The following ST3GAL6 variants were observed in gnomAD, a reference collection of about 807,000 sequenced individuals.
ST3GAL6 encodes type 2 lactosamine alpha-2,3-sialyltransferase.
Under a neutral mutation model 40.5 loss-of-function variants are expected in ST3GAL6, and 31 were observed. The ratio of observed to expected loss-of-function variants is 0.77; its 90% CI spans 0.58 to 1.03. The LOEUF (loss-of-function observed/expected upper bound fraction) is 1.03. Ranked by LOEUF, ST3GAL6 falls within the 50% of genes least tolerant of loss-of-function variation. ST3GAL6 has a pLI of 0.00. For missense variants in ST3GAL6, 357 were observed against 393.2 expected, an observed-to-expected ratio of 0.91 and a Z score of 0.78; for synonymous variants, 129 against 136.9, an observed-to-expected ratio of 0.94 and a Z score of 0.40.
At chr3:98,762,768 G>T, upstream of ST3GAL6, 1 of 982,928 alleles carries the variant, frequency 1.0e-6, no homozygotes, top group Non-Finnish European at 1.2e-6. Context: ...TTCAAAGTGT[G>T]GGCTTTGAAA....
chr3:98,792,202 G>A (rs903287825), intron 9 of ST3GAL6, among the ~76,000 whole-genome samples: 2 of 152,138 alleles, frequency 1.3e-5, no homozygotes, highest in Admixed American at 1.3e-4. Flanking sequence ...CCCAATTTAT[G>A]GGCCTCATGG....
At chr3:98,779,397 G>C (rs1939859954) in intron 5 of ST3GAL6, among the ~76,000 whole-genome samples, 1 of 152,182 alleles carries the variant, frequency 6.6e-6, no homozygotes, top group South Asian at 2.1e-4. Flanking sequence ...AAGGCACATG[G>C]GGTAATGGGT....
intron 1 of ST3GAL6, among the ~76,000 whole-genome samples, chr3:98,747,744 A>G (rs1044932853): frequency 6.6e-6 from 1 of 152,212 alleles, no homozygotes. Context: ...ATTTCAGAAT[A>G]TTATGTATTT....
chr3:98,758,779 GAAGCTGATACTTCACTAATTTTAA>G (rs1368930925), upstream of ST3GAL6, among the ~76,000 whole-genome samples: 1 of 152,200 alleles, frequency 6.6e-6, no homozygotes, highest in African/African-American at 2.4e-5. Flanking sequence ...TGGTGCATGG[GAAGCTGATACTTCACTAATTTTAA>G]AAGAAGAATT....
At chr3:98,775,315 A>C (rs755608983) in intron 5 of ST3GAL6, among the ~76,000 whole-genome samples, 10 of 152,124 alleles carry the variant, frequency 6.6e-5, no homozygotes, top group Non-Finnish European at 1.2e-4. Context: ...GTCTCTACTA[A>C]AAATACAAAA....
At chr3:98,767,736 C>T (rs1246818450) in intron 1 of ST3GAL6, among the ~76,000 whole-genome samples, 2 of 152,034 alleles carry the variant, frequency 1.3e-5, no homozygotes, top group Non-Finnish European at 2.9e-5. Flanking sequence ...GCTTTTTTTG[C>T]ATTTACATTT....
chr3:98,759,470 C>G (rs1937585571), upstream of ST3GAL6, among the ~76,000 whole-genome samples: 1 of 152,094 alleles, frequency 6.6e-6, no homozygotes, highest in African/African-American at 2.4e-5. Context: ...CATTTATTGA[C>G]TTTTTTACTC....
intron 1 of ST3GAL6, among the ~76,000 whole-genome samples, chr3:98,763,685 G>A (rs1938026738): frequency 6.6e-6 from 1 of 151,370 alleles, no homozygotes; most frequent in African/African-American, 2.4e-5. Context: ...GAACAGAAGG[G>A]TGCCTCACCC....
chr3:98,740,188 T>C (rs1935942755), intron 1 of ST3GAL6, among the ~76,000 whole-genome samples: 1 of 151,880 alleles, frequency 6.6e-6, no homozygotes, highest in Admixed American at 6.6e-5. Context: ...ACACTGAATT[T>C]TTTGGAGGGC....
chr3:98,790,861 G>A (rs72934623), intron 8 of ST3GAL6, among the ~76,000 whole-genome samples: 8,326 of 152,106 alleles, frequency 0.055, 245 homozygotes, highest in African/African-American at 0.078. Flanking sequence ...AAAAAGCAAT[G>A]GGATCAATGA....
chr3:98,733,749 G>T (rs1009103894), intron 1 of ST3GAL6, among the ~76,000 whole-genome samples: 4 of 152,066 alleles, frequency 2.6e-5, no homozygotes, highest in African/African-American at 7.2e-5. Context: ...AAAAAGCGAC[G>T]CCCAGAAACC....
intron 8 of ST3GAL6, 87 bp from the exon 9 acceptor site, chr3:98,791,752 CCT>C: frequency 8.4e-7 from 1 of 1,185,170 alleles, no homozygotes; most frequent in African/African-American, 1.5e-5. Flanking sequence ...TTTAGAAATC[CCT>C]GTTTTATATG....
At chr3:98,785,227 T>C (rs914074055) in intron 6 of ST3GAL6, among the ~76,000 whole-genome samples, 187 bp downstream of exon 6, 12 of 152,210 alleles carry the variant, frequency 7.9e-5, no homozygotes, top group African/African-American at 2.9e-4. Context: ...TTAGCAAGTA[T>C]TTGTTAAGTC....
intron 8 of ST3GAL6, among the ~76,000 whole-genome samples, chr3:98,790,833 A>C (rs1941136123): frequency 6.6e-6 from 1 of 152,130 alleles, no homozygotes; most frequent in Non-Finnish European, 1.5e-5. Flanking sequence ...GAAGACATGA[A>C]AAGGGGCAAG....
At chr3:98,785,552 G>C (rs1940621446) in intron 6 of ST3GAL6, among the ~76,000 whole-genome samples, 1 of 152,152 alleles carries the variant, frequency 6.6e-6, no homozygotes, top group African/African-American at 2.4e-5. Context: ...CTGAGTTTGA[G>C]AGGAGTAGCA....
intron 1 of ST3GAL6, among the ~76,000 whole-genome samples, chr3:98,738,423 A>C (rs937074397): frequency 1.3e-5 from 2 of 151,704 alleles, no homozygotes; most frequent in Admixed American, 6.6e-5. Flanking sequence ...GCAGATACAC[A>C]CCGCCACACC....
intron 8 of ST3GAL6, among the ~76,000 whole-genome samples, chr3:98,790,346 T>G (rs1378929172): frequency 6.6e-6 from 1 of 152,172 alleles, no homozygotes; most frequent in Non-Finnish European, 1.5e-5. Context: ...TCATCCATTA[T>G]AAGAGGAATA....
chr3:98,745,267 C>T (rs113594032), intron 1 of ST3GAL6, among the ~76,000 whole-genome samples: 5,858 of 152,250 alleles, frequency 0.038, 344 homozygotes, highest in African/African-American at 0.13. Flanking sequence ...CTCCTGACCT[C>T]AGGTGATCCA....
intron 1 of ST3GAL6, among the ~76,000 whole-genome samples, chr3:98,741,180 AG>A (rs1936055758): frequency 6.6e-6 from 1 of 152,084 alleles, no homozygotes; most frequent in Non-Finnish European, 1.5e-5. Flanking sequence ...ACTAGGCTTA[AG>A]GAGCAAAAAC....
Sources: gnomAD v4.1 joint callset for allele counts (sites outside exome capture counted in the v4.1 genomes callset) on GRCh38, gnomAD v4.1.1 for gene constraint, MANE v1.5 for transcripts, NCBI Gene and HGNC (gene_info 2026-07-23, HGNC 2026-07-21) for gene names.